Variants in RIT2 observed in about 807,000 individuals in gnomAD.
RIT2 encodes Ras like without CAAX 2.
Under a neutral mutation model 23.7 loss-of-function variants are expected in RIT2, and 24 were observed. The observed-to-expected ratio is 1.01, with a 90% CI of 0.73 to 1.43. The LOEUF (loss-of-function observed/expected upper bound fraction) is 1.43, where lower values mean the gene tolerates loss of function less well. Ranked by LOEUF, RIT2 falls within the 40% of genes most tolerant of loss-of-function variation. The pLI, the probability that RIT2 is intolerant of heterozygous loss-of-function variation, is 0.00. For synonymous variants in RIT2, 107 were observed against 91.1 expected, an observed-to-expected ratio of 1.17 and a Z score of -0.99; for missense variants, 236 against 266.9, an observed-to-expected ratio of 0.88 and a Z score of 0.81.
At chr18:42,803,822 AAC>A (rs1424729571) in intron 4 of RIT2, among the ~76,000 whole-genome samples, 3 of 152,244 alleles carry the variant, frequency 2.0e-5, no homozygotes, top group Admixed American at 6.5e-5. Flanking sequence ...CAATTCCAGT[AAC>A]AACTCTGTTT....
At chr18:42,992,285 A>C (rs551172401) in intron 2 of RIT2, among the ~76,000 whole-genome samples, 1 of 152,312 alleles carries the variant, frequency 6.6e-6, no homozygotes, top group South Asian at 2.1e-4. Context: ...TAGTGGTCCC[A>C]AATAGCCAGA....
At chr18:42,856,825 CTCT>C (rs778839523) in intron 4 of RIT2, among the ~76,000 whole-genome samples, 4 of 128,028 alleles carry the variant, frequency 3.1e-5, no homozygotes, top group African/African-American at 1.3e-4. Flanking sequence ...TTCTCTCTCT[CTCT>C]TTTTTTTTTT....
chr18:42,837,151 TTC>T (rs1568008830), intron 4 of RIT2, among the ~76,000 whole-genome samples: 4 of 121,924 alleles, frequency 3.3e-5, no homozygotes, highest in African/African-American at 9.8e-5. Context: ...TTTTTTCTTT[TTC>T]TTTTTTTTTT....
At chr18:43,093,327 A>G (rs1310694067) in intron 1 of RIT2, among the ~76,000 whole-genome samples, 1 of 152,054 alleles carries the variant, frequency 6.6e-6, no homozygotes, top group Non-Finnish European at 1.5e-5. Context: ...CCTCCCTACT[A>G]TCAATGGCAA....
chr18:42,896,266 A>C (rs955593864), intron 4 of RIT2, among the ~76,000 whole-genome samples: 2 of 152,170 alleles, frequency 1.3e-5, no homozygotes, highest in African/African-American at 4.8e-5. Flanking sequence ...CTCCGTCACA[A>C]AAAAAATAAA....
intron 4 of RIT2, among the ~76,000 whole-genome samples, chr18:42,784,603 A>G (rs945605397): frequency 3.3e-5 from 5 of 152,122 alleles, no homozygotes; most frequent in Non-Finnish European, 1.5e-5. Flanking sequence ...CCACCAAATC[A>G]GAGAAATTTT....
intron 4 of RIT2, among the ~76,000 whole-genome samples, chr18:42,806,630 G>A (rs183792980): frequency 3.9e-5 from 6 of 152,268 alleles, no homozygotes; most frequent in Admixed American, 1.3e-4. Flanking sequence ...CATAATCAGT[G>A]TAAATGTCCG....
At chr18:42,762,009 A>G (rs545477188) in intron 4 of RIT2, among the ~76,000 whole-genome samples, 1 of 152,338 alleles carries the variant, frequency 6.6e-6, no homozygotes, top group East Asian at 1.9e-4. Context: ...CCAAGAAATC[A>G]TGGAATTATT....
intron 2 of RIT2, among the ~76,000 whole-genome samples, chr18:42,981,752 T>A (rs990800005): frequency 6.6e-6 from 1 of 152,148 alleles, no homozygotes; most frequent in Non-Finnish European, 1.5e-5. Context: ...GAATACTTCA[T>A]AGGCCACTTT....
chr18:42,952,109 G>T (rs959002681), intron 3 of RIT2, among the ~76,000 whole-genome samples: 1 of 152,120 alleles, frequency 6.6e-6, no homozygotes, highest in Non-Finnish European at 1.5e-5. Context: ...TCCCTCCCAT[G>T]TTACATGGGT....
At chr18:42,845,057 T>G (rs1372591512) in intron 4 of RIT2, among the ~76,000 whole-genome samples, 1 of 152,156 alleles carries the variant, frequency 6.6e-6, no homozygotes, top group Non-Finnish European at 1.5e-5. Flanking sequence ...CGTTCAATTT[T>G]GAATGCCTTA....
intron 1 of RIT2, among the ~76,000 whole-genome samples, chr18:43,084,468 A>G (rs1913234827): frequency 6.6e-6 from 1 of 152,248 alleles, no homozygotes; most frequent in South Asian, 2.1e-4. Flanking sequence ...TACAGTAGCA[A>G]TGACTTGGAA....
chr18:43,064,160 G>A (rs1051247323), intron 1 of RIT2, among the ~76,000 whole-genome samples: 2 of 152,170 alleles, frequency 1.3e-5, no homozygotes, highest in Non-Finnish European at 2.9e-5. Flanking sequence ...ACAGAAATAA[G>A]TAGAATTCAA....
At chr18:42,753,790 T>G (rs1598640597) in intron 4 of RIT2, among the ~76,000 whole-genome samples, 1 of 152,208 alleles carries the variant, frequency 6.6e-6, no homozygotes, top group East Asian at 1.9e-4. Flanking sequence ...CCTTGCCAGT[T>G]TTCTTGACCA....
chr18:43,071,581 C>T (rs1459734596), intron 1 of RIT2, among the ~76,000 whole-genome samples: 1 of 152,104 alleles, frequency 6.6e-6, no homozygotes, highest in East Asian at 1.9e-4. Flanking sequence ...TTTGAATCAT[C>T]TTCAGGTTGT....
At chr18:42,927,872 T>C (rs1033839858) in intron 3 of RIT2, among the ~76,000 whole-genome samples, 11 of 152,034 alleles carry the variant, frequency 7.2e-5, no homozygotes, top group Admixed American at 6.6e-4. Context: ...ATAAAGAATT[T>C]TTGATGTATC....
At chr18:43,059,160 T>C (rs369137898) in intron 1 of RIT2, among the ~76,000 whole-genome samples, 5 of 152,224 alleles carry the variant, frequency 3.3e-5, no homozygotes, top group African/African-American at 9.6e-5. Flanking sequence ...TAGAAGTCAT[T>C]GTTAGTATTT....
chr18:42,773,034 C>A (rs1913587587), intron 4 of RIT2, among the ~76,000 whole-genome samples: 1 of 152,044 alleles, frequency 6.6e-6, no homozygotes, highest in Admixed American at 6.6e-5. Flanking sequence ...TAAACTTAAG[C>A]CATATTAAAA....
chr18:43,091,674 G>A (rs1395090416), intron 1 of RIT2, among the ~76,000 whole-genome samples: 1 of 151,974 alleles, frequency 6.6e-6, no homozygotes, highest in African/African-American at 2.4e-5. Context: ...AAAATTGGAT[G>A]TTCAGTTACC....
Sources: gnomAD v4.1 joint callset for allele counts (sites outside exome capture counted in the v4.1 genomes callset) on GRCh38, gnomAD v4.1.1 for gene constraint, MANE v1.5 for transcripts, NCBI Gene and HGNC (gene_info 2026-07-23, HGNC 2026-07-21) for gene names.